Variants in SUMF1 observed in about 807,000 individuals in gnomAD.
SUMF1 encodes sulfatase modifying factor 1, also known as formylglycine-generating enzyme.
SUMF1 carries 48 observed loss-of-function variants against 47.6 expected under a neutral mutation model. That is an observed-to-expected ratio of 1.01 (90% CI 0.80 to 1.28). The LOEUF (loss-of-function observed/expected upper bound fraction) is 1.28. Among genes scored for constraint, SUMF1 ranks in the 50% most tolerant of loss-of-function variants. The pLI is 0.00. For synonymous variants in SUMF1, 230 were observed against 192.1 expected, an observed-to-expected ratio of 1.20 and a Z score of -1.63; for missense variants, 571 against 485.4, an observed-to-expected ratio of 1.18 and a Z score of -1.66.
At position 4,087,989 on chromosome 3, in the gene SUMF1, T is replaced by A. The variant is rs193014074; in HGVS notation, c.1015-19244A>T. On this transcript the variant is annotated intron_variant and NMD_transcript_variant, in intron 8 of 12. Coordinates refer to the SUMF1 transcript ENST00000448413. Reference sequence around the variant, plus strand: ...GATTTGAAAAAAAAATGCACACTCCTATTTGATTCTAAGAAGGTGTAATAC... The same window carrying A: ...GATTTGAAAAAAAAATGCACACTCCAATTTGATTCTAAGAAGGTGTAATAC... Among the ~76,000 whole-genome samples, 315 of 152,198 alleles carry A rather than the reference T, an allele frequency of 2.1e-3. 4 individuals are homozygous for A. The highest frequency in any genetic ancestry group is 7.2e-3 in the Admixed American group (110 of 15,268).
chr3:4,251,811 C>T (rs941683309), intron 8 of SUMF1, among the ~76,000 whole-genome samples: 3 of 152,184 alleles, frequency 2.0e-5, no homozygotes, highest in Non-Finnish European at 4.4e-5. Context: ...CAAGACCCTA[C>T]AATGGCAAAA....
chr3:4,143,337 T>C (rs1360969686), intron 8 of SUMF1, among the ~76,000 whole-genome samples: 1 of 152,114 alleles, frequency 6.6e-6, no homozygotes, highest in Non-Finnish European at 1.5e-5. Context: ...TCAGGTTGCA[T>C]AGCAGTAACT....
intron 8 of SUMF1, among the ~76,000 whole-genome samples, chr3:4,188,052 C>A (rs1342508157): frequency 6.6e-6 from 1 of 152,086 alleles, no homozygotes; most frequent in East Asian, 1.9e-4. Context: ...TCATATACCC[C>A]CTACACACAT....
intron 8 of SUMF1, among the ~76,000 whole-genome samples, chr3:4,333,152 G>A (rs1460998314): frequency 2.6e-5 from 4 of 152,174 alleles, no homozygotes; most frequent in African/African-American, 4.8e-5. Context: ...ACAAGAGCTC[G>A]GGATACAGGA....
intron 8 of SUMF1, among the ~76,000 whole-genome samples, chr3:4,323,894 A>G (rs1402968687): frequency 6.6e-6 from 1 of 152,208 alleles, no homozygotes; most frequent in East Asian, 1.9e-4. Context: ...TCTTCCTCTC[A>G]GCATAAATGT....
intron 7 of SUMF1, among the ~76,000 whole-genome samples, chr3:4,401,856 C>G (rs1701222091): frequency 6.6e-6 from 1 of 152,142 alleles, no homozygotes; most frequent in African/African-American, 2.4e-5. Flanking sequence ...CTCTCCCTTC[C>G]CAGGAGCGTG....
At chr3:4,144,011 G>C (rs1477827755) in intron 8 of SUMF1, among the ~76,000 whole-genome samples, 1 of 124,560 alleles carries the variant, frequency 8.0e-6, no homozygotes, top group Non-Finnish European at 1.6e-5. Context: ...TTTTTTTTTA[G>C]ACAGGGTCTC....
chr3:4,406,301 C>T (rs1279588488), intron 7 of SUMF1, among the ~76,000 whole-genome samples: 2 of 152,240 alleles, frequency 1.3e-5, no homozygotes, highest in East Asian at 3.9e-4. Flanking sequence ...AGCAGTAGTC[C>T]TTTAATATTA....
intron 9 of SUMF1, among the ~76,000 whole-genome samples, chr3:4,056,726 A>G (rs1462045963): frequency 6.6e-6 from 1 of 151,942 alleles, no homozygotes; most frequent in African/African-American, 2.4e-5. Context: ...CTTTCTTACT[A>G]TGTGATCCAT....
intron 3 of SUMF1, among the ~76,000 whole-genome samples, chr3:4,423,396 T>C (rs899003325): frequency 2.6e-5 from 4 of 152,176 alleles, no homozygotes; most frequent in Admixed American, 2.6e-4. Context: ...TACCCCTTTT[T>C]CAAAGGGGAG....
rs1286171612 is a variant in SUMF1 at position 4,257,873 on chromosome 3, T to G, written c.1014+118457A>C. ...CTGACTTCAAACTATACTACAAGGC[T>G]ACAGTAACCAAAACAGCATGGTACT... On this transcript the variant is annotated intron_variant and NMD_transcript_variant, in intron 8 of 12. Transcript: ENST00000448413. Among the ~76,000 whole-genome samples, 2 of 151,278 alleles carry G rather than the reference T, an allele frequency of 1.3e-5. 1 individual carries two copies. The highest frequency in any genetic ancestry group is 3.0e-5 in the Non-Finnish European group (2 of 67,420).
At chr3:4,189,917 C>T (rs1369627282) in intron 8 of SUMF1, among the ~76,000 whole-genome samples, 3 of 152,140 alleles carry the variant, frequency 2.0e-5, no homozygotes, top group Non-Finnish European at 2.9e-5. Flanking sequence ...AAAGTGTCTG[C>T]TTTCATCTGA....
chr3:4,130,803 C>T (rs1355674674), intron 8 of SUMF1, among the ~76,000 whole-genome samples: 7 of 152,100 alleles, frequency 4.6e-5, no homozygotes, highest in African/African-American at 1.2e-4. Flanking sequence ...GCCCATTTAT[C>T]GAGTGATCCA....
At chr3:4,205,247 T>A (rs142267953) in intron 8 of SUMF1, among the ~76,000 whole-genome samples, 4,311 of 152,228 alleles carry the variant, frequency 0.028, 90 homozygotes, top group African/African-American at 0.05. Flanking sequence ...ATGTACTTTG[T>A]GAGATCCACC....
intron 8 of SUMF1, among the ~76,000 whole-genome samples, chr3:4,192,105 G>A (rs200517279): frequency 6.6e-6 from 1 of 152,126 alleles, no homozygotes; most frequent in East Asian, 1.9e-4. Flanking sequence ...TACAGTCTGG[G>A]CTGAGCTTTG....
chr3:4,163,988 A>G (rs1455091629), intron 8 of SUMF1, among the ~76,000 whole-genome samples: 1 of 152,146 alleles, frequency 6.6e-6, no homozygotes, highest in East Asian at 1.9e-4. Context: ...TGTTAGAACC[A>G]CTGGCTATTT....
intron 8 of SUMF1, among the ~76,000 whole-genome samples, chr3:4,368,849 C>T (rs945053726): frequency 1.3e-5 from 2 of 152,090 alleles, no homozygotes; most frequent in African/African-American, 4.8e-5. Flanking sequence ...GGATTGTTCT[C>T]CGATCCAAAA....
intron 7 of SUMF1, among the ~76,000 whole-genome samples, chr3:4,395,575 T>A (rs1033161115): frequency 3.3e-5 from 5 of 152,102 alleles, no homozygotes; most frequent in Admixed American, 3.3e-4. Context: ...AACACACGAA[T>A]CAAATTAACA....
At chr3:4,185,185 G>A (rs1414855151) in intron 8 of SUMF1, among the ~76,000 whole-genome samples, 1 of 152,198 alleles carries the variant, frequency 6.6e-6, no homozygotes, top group Middle Eastern at 3.4e-3. Context: ...GGCTTCAGAG[G>A]CATAGTCCTT....
Sources: allele counts gnomAD v4.1 joint callset (sites outside exome capture counted in the v4.1 genomes callset), GRCh38; gene constraint gnomAD v4.1.1; transcripts MANE v1.5; gene names NCBI Gene and HGNC (gene_info 2026-07-23, HGNC 2026-07-21).